COG6: variants seen among roughly 807,000 people sequenced by gnomAD.
The protein encoded by COG6 is component of oligomeric golgi complex 6, also known as conserved oligomeric Golgi complex subunit 6.
A neutral mutation model predicts 88.8 loss-of-function variants in COG6; 74 were observed. The observed-to-expected ratio is 0.83, with a 90% CI of 0.69 to 1.01. The LOEUF is 1.01. Among genes scored for constraint, COG6 ranks in the 50% least tolerant of loss-of-function variants. The pLI, the probability that COG6 is intolerant of heterozygous loss-of-function variation, is 0.00. For missense variants in COG6, 800 were observed against 797.9 expected, an observed-to-expected ratio of 1.00 and a Z score of -0.03; for synonymous variants, 286 against 278.7, an observed-to-expected ratio of 1.03 and a Z score of -0.26.
intron 18 of COG6, among the ~76,000 whole-genome samples, chr13:39,766,584 A>T (rs1347524468): frequency 1.3e-5 from 2 of 151,978 alleles, no homozygotes; most frequent in African/African-American, 4.8e-5. Flanking sequence ...CCATCCCAAA[A>T]CCAGAGCAGT....
At position 39,750,614 on chromosome 13, in the gene COG6, G is replaced by A. The variant is rs3000487; in HGVS notation, c.1827-332G>A. Among the ~76,000 whole-genome samples the A allele has an allele frequency of 1.9e-3, 291 of 152,266 alleles. 2 individuals are homozygous for A. Among genetic ancestry groups the A allele is most frequent in the African/African-American group, 6.8e-3 (281 of 41,530 alleles). On this transcript the variant is annotated intron_variant, in intron 18 of 18. Transcript: ENST00000455146. ...ACCACTTTTGCAAAATCAATACATT[G>A]ACATTGGGTCACAGTTTTTGTTTCT...
At chr13:39,693,609 C>T (rs774925070) in intron 11 of COG6, among the ~76,000 whole-genome samples, 2 of 151,862 alleles carry the variant, frequency 1.3e-5, no homozygotes, top group African/African-American at 2.4e-5. Context: ...ATTCATGATC[C>T]ATGGTATTGT....
chr13:39,765,157 A>G (rs1881128366), intron 18 of COG6, among the ~76,000 whole-genome samples: 1 of 152,170 alleles, frequency 6.6e-6, no homozygotes, highest in South Asian at 2.1e-4. Flanking sequence ...GTTCCTTAAA[A>G]AAGAGTCGCT....
In COG6 at chr13:39,724,734, G is replaced by A. The variant is rs554600181; in HGVS notation, c.1746+173G>A. 3.3e-5 allele frequency among the ~76,000 whole-genome samples: 5 copies of A among 151,674 alleles called. No individual in the cohort carries two copies. The South Asian group carries it at 6.2e-4, about 19-fold the overall frequency. ...TGTATTACTTTAATTGAACAGTTCT[G>A]GCCAAGTCTTACATTCATAGTAGTG... On this transcript the variant is annotated intron_variant, in intron 17 of 18. Transcript: ENST00000455146.
chr13:39,710,714 A>G (rs564649742), intron 13 of COG6, among the ~76,000 whole-genome samples: 1 of 152,258 alleles, frequency 6.6e-6, no homozygotes, highest in African/African-American at 2.4e-5. Context: ...AAATACCCCC[A>G]TTTAATGTTT....
At chr13:39,660,453 A>G (rs574776053) in intron 2 of COG6, among the ~76,000 whole-genome samples, 1 of 152,340 alleles carries the variant, frequency 6.6e-6, no homozygotes, top group South Asian at 2.1e-4. Flanking sequence ...TGTCAAAAGG[A>G]CTTTGGAGCT....
intron 18 of COG6, among the ~76,000 whole-genome samples, chr13:39,743,273 T>C (rs748569206): frequency 2.0e-5 from 3 of 151,880 alleles, no homozygotes; most frequent in Non-Finnish European, 4.4e-5. Flanking sequence ...CTGAAGGACA[T>C]AGAGACACAA....
chr13:39,657,038 C>G (rs1238533832), intron 1 of COG6: 5 of 337,094 alleles, frequency 1.5e-5, no homozygotes, highest in Non-Finnish European at 2.9e-5. Flanking sequence ...GATAACATGG[C>G]CTTCTTTTTT....
At chr13:39,711,977 A>T (rs9548894) in intron 13 of COG6, among the ~76,000 whole-genome samples, 62,297 of 151,978 alleles carry the variant, frequency 0.41, 13,119 homozygotes, top group Admixed American at 0.56. Context: ...CTCCAGCTTC[A>T]GCCTCCCGAG....
At chr13:39,763,049 T>A (rs1312443128) in intron 18 of COG6, among the ~76,000 whole-genome samples, 1 of 151,716 alleles carries the variant, frequency 6.6e-6, no homozygotes, top group East Asian at 1.9e-4. Context: ...ATCACTTGGC[T>A]TTTCTCCTTT....
At chr13:39,770,048 A>G (rs978367058) in intron 18 of COG6, among the ~76,000 whole-genome samples, 2 of 152,234 alleles carry the variant, frequency 1.3e-5, no homozygotes. Flanking sequence ...TCTTTACCTT[A>G]TAGTACCACA....
At chr13:39,676,760 C>G (rs1240810376) in intron 4 of COG6, among the ~76,000 whole-genome samples, 1 of 152,088 alleles carries the variant, frequency 6.6e-6, no homozygotes, top group Non-Finnish European at 1.5e-5. Context: ...TTCTGAGATA[C>G]AGAAACCAGG....
intron 10 of COG6, 24 bp downstream of exon 10, chr13:39,687,823 A>G: frequency 1.4e-6 from 2 of 1,463,546 alleles, no homozygotes; most frequent in South Asian, 1.1e-5. Context: ...TTGTATTGCT[A>G]ATGCCTAAAT....
rs941941193 is a variant in COG6 at position 39,660,745 on chromosome 13, C to T, written c.298-65C>T. On this transcript the variant is annotated intron_variant, in intron 2 of 18. Coordinates refer to ENST00000455146, the MANE Select transcript of COG6 (RefSeq NM_020751.3). ...TTATGTAACTAAAATAAGGATTTAG[C>T]TAACAGAAGAGAATCTTCTTCTTGC... 2.4e-5 allele frequency: 25 copies of T among 1,058,186 alleles called. 1 individual carries two copies. In the Admixed American group the frequency reaches 4.1e-4, roughly 17 times the overall value. The allele number at this position is 1,058,186 out of a possible 1,614,324, so 65.5% of individuals were successfully genotyped here.
In COG6 at chr13:39,719,696, T is replaced by G. The variant is rs142124826; in HGVS notation, c.1453T>G (p.Cys485Gly). Residue 485 changes from cysteine to glycine, a missense_variant, in exon 15 of 19, where the codon TGT becomes GGT. By Grantham distance (159) the Cys-to-Gly change is radical. Transcript: ENST00000455146. Reference protein sequence around the residue: ...SCVLDPLLQMCTVSASNLGTA... With the variant: ...SCVLDPLLQMGTVSASNLGTA... ...TGTCTTGGATCCTCTCCTACAGATG[T>G]GTACTGTATCAGCCAGCAATTTAGG... 1 of 1,612,972 alleles carries G rather than the reference T, an allele frequency of 6.2e-7. No individual in the cohort carries two copies. Among genetic ancestry groups the G allele is most frequent in the African/African-American group, 1.3e-5 (1 of 74,990 alleles).
chr13:39,699,728 T>A (rs1478881401), intron 13 of COG6, 110 bp downstream of exon 13: 1 of 676,696 alleles, frequency 1.5e-6, no homozygotes, highest in Non-Finnish European at 2.7e-6. Flanking sequence ...TGTGTTCTTT[T>A]GAGTTCTTCC....
intron 15 of COG6, among the ~76,000 whole-genome samples, chr13:39,723,048 A>G (rs1878934315): frequency 6.6e-6 from 1 of 152,038 alleles, no homozygotes; most frequent in Non-Finnish European, 1.5e-5. Context: ...GTTGTTGTTT[A>G]CTAGTGTTTT....
At chr13:39,662,818 G>C (rs1027745522) in intron 3 of COG6, among the ~76,000 whole-genome samples, 1 of 151,946 alleles carries the variant, frequency 6.6e-6, no homozygotes, top group Admixed American at 6.5e-5. Context: ...TTTGGATATA[G>C]CACTATTGGA....
At chr13:39,771,471 C>T (rs1428109176) in intron 18 of COG6, among the ~76,000 whole-genome samples, 1 of 152,180 alleles carries the variant, frequency 6.6e-6, no homozygotes, top group Non-Finnish European at 1.5e-5. Context: ...TCAGTCCTGC[C>T]ACTTGGTCTT....
Sources: gnomAD v4.1 joint callset for allele counts (sites outside exome capture counted in the v4.1 genomes callset) on GRCh38, gnomAD v4.1.1 for gene constraint, MANE v1.5 for transcripts, NCBI Gene and HGNC (gene_info 2026-07-23, HGNC 2026-07-21) for gene names.